Variants in SH3PXD2B observed in about 807,000 individuals in gnomAD.
The protein encoded by SH3PXD2B is SH3 and PX domains 2B.
SH3PXD2B carries 37 observed loss-of-function variants against 73.1 expected under a neutral mutation model. The observed-to-expected ratio is 0.51, with a 90% CI of 0.39 to 0.67. SH3PXD2B has a LOEUF of 0.67. Among genes scored for constraint, SH3PXD2B ranks in the 30% least tolerant of loss-of-function variants. SH3PXD2B has a pLI of 0.00. For synonymous variants in SH3PXD2B, 457 were observed against 480.5 expected (o/e 0.95, Z 0.64); for missense variants, 1,053 against 1,197.8 (o/e 0.88, Z 1.78).
At chr5:172,391,079 GA>G (rs1443264645) in intron 4 of SH3PXD2B, among the ~76,000 whole-genome samples, 5 of 152,036 alleles carry the variant, frequency 3.3e-5, no homozygotes, top group African/African-American at 1.2e-4. Context: ...GACCTCAGGT[GA>G]TCCACCCGCC....
intron 6 of SH3PXD2B, among the ~76,000 whole-genome samples, chr5:172,372,864 C>A (rs11955428): frequency 0.41 from 62,382 of 151,922 alleles, 13,309 homozygotes; most frequent in East Asian, 0.71. Flanking sequence ...TCTGGAAGTT[C>A]CGAAGTCCAC....
Position 172,372,628 on chromosome 5 carries a change from C to T in SH3PXD2B, c.427+1162G>A, listed in dbSNP as rs558945618. Among the ~76,000 whole-genome samples, 6 of 152,288 alleles carry T rather than the reference C, an allele frequency of 3.9e-5. No individual in the cohort carries two copies. In the East Asian group the frequency reaches 9.6e-4, roughly 24 times the overall value. On this transcript the variant is annotated intron_variant, in intron 6 of 12. Coordinates refer to ENST00000311601, the MANE Select transcript of SH3PXD2B (RefSeq NM_001017995.3). ...TAAAAACGGCATCAAGCATACATTA[C>T]TGACAATGTGCCAGGCACTATTCTA...
At chr5:172,399,466 G>A (rs1758380635) in intron 3 of SH3PXD2B, among the ~76,000 whole-genome samples, 1 of 152,136 alleles carries the variant, frequency 6.6e-6, no homozygotes. Flanking sequence ...ATATGCTTGT[G>A]TTTCACCAGG....
chr5:172,374,194 G>A (rs1757772643), intron 5 of SH3PXD2B, among the ~76,000 whole-genome samples: 1 of 152,162 alleles, frequency 6.6e-6, no homozygotes, highest in Non-Finnish European at 1.5e-5. Context: ...GGTCCCCTAA[G>A]CCATAGACAT....
At position 172,437,636 on chromosome 5, in the gene SH3PXD2B, C is replaced by T. The variant is rs77937633; in HGVS notation, c.76-15140G>A. Among the ~76,000 whole-genome samples the T allele has an allele frequency of 1.6e-3, 239 of 152,370 alleles. 5 individuals are homozygous for T. In the East Asian group the frequency reaches 0.04, roughly 26 times the overall value. Reference sequence around the variant, plus strand: ...CAGGAATCACCAAGCTCAGGCTCTGCAGCAAGTGACACACTGGAGGTGGCA... The same window carrying T: ...CAGGAATCACCAAGCTCAGGCTCTGTAGCAAGTGACACACTGGAGGTGGCA... On this transcript the variant is annotated intron_variant, in intron 1 of 12. Transcript: ENST00000311601.
Position 172,406,308 on chromosome 5 carries a change from G to A in SH3PXD2B, c.201C>T (p.Asp67=), listed in dbSNP as rs1430164269. 2 of 1,614,056 alleles carry A rather than the reference G, an allele frequency of 1.2e-6. No individual in the cohort carries two copies. The highest frequency in any genetic ancestry group is 1.7e-5 in the Admixed American group (1 of 59,998). The change falls in exon 3 of 13, where the codon GAC becomes GAT. Residue 67 remains aspartate, a synonymous_variant. Transcript: ENST00000311601. The part of the protein sequence containing the change: ...DKFPMEGGQK[D]PKQRIIPFLP... ...GAAAGGGGATGATCCGCTGCTTGGG[G>A]TCCTTCTGTCCTCCTTCCATGGGAA...
downstream of SH3PXD2B, among the ~76,000 whole-genome samples, chr5:172,329,780 G>A (rs1040034194): frequency 6.6e-6 from 1 of 151,960 alleles, no homozygotes; most frequent in Admixed American, 6.6e-5. Flanking sequence ...CTCGTGATCC[G>A]CCCGCCTCGG....
intron 5 of SH3PXD2B, among the ~76,000 whole-genome samples, chr5:172,375,284 TG>T (rs1757797894): frequency 2.0e-5 from 3 of 152,082 alleles, no homozygotes; most frequent in Admixed American, 1.3e-4. Flanking sequence ...CGCTTGAACC[TG>T]GGAGGTGGAG....
intron 10 of SH3PXD2B, among the ~76,000 whole-genome samples, chr5:172,349,138 C>T (rs1757096475): frequency 6.6e-6 from 1 of 152,200 alleles, no homozygotes; most frequent in Non-Finnish European, 1.5e-5. Context: ...TCGGGGATGG[C>T]CAGAACCCCT....
At chr5:172,327,013 C>T (rs1756458602) in intron 12 of SH3PXD2B, among the ~76,000 whole-genome samples, 1 of 151,970 alleles carries the variant, frequency 6.6e-6, no homozygotes, top group South Asian at 2.1e-4. Context: ...TGCGCCACCA[C>T]CAAGCCTGGC....
intron 8 of SH3PXD2B, among the ~76,000 whole-genome samples, chr5:172,358,027 T>C (rs1381322306): frequency 6.6e-6 from 1 of 152,142 alleles, no homozygotes; most frequent in Non-Finnish European, 1.5e-5. Context: ...TTTTCAAAAG[T>C]CCTATGATAT....
chr5:172,401,655 C>A (rs1270507589), intron 3 of SH3PXD2B, among the ~76,000 whole-genome samples: 1 of 152,174 alleles, frequency 6.6e-6, no homozygotes, highest in Non-Finnish European at 1.5e-5. Context: ...GAAGCCGTGG[C>A]AGAAGAACAT....
chr5:172,419,758 A>G (rs17051996), intron 2 of SH3PXD2B, among the ~76,000 whole-genome samples: 8,858 of 152,010 alleles, frequency 0.058, 866 homozygotes, highest in African/African-American at 0.2. Flanking sequence ...TGCTCGGTGG[A>G]TGTAAATAAT....
chr5:172,328,347 G>A (rs920069286), intron 12 of SH3PXD2B, among the ~76,000 whole-genome samples: 10 of 151,760 alleles, frequency 6.6e-5, no homozygotes, highest in African/African-American at 1.2e-4. Flanking sequence ...CTCATGATCC[G>A]TCTGCCTCGG....
At chr5:172,379,760 T>G (rs1024515116) in intron 5 of SH3PXD2B, among the ~76,000 whole-genome samples, 2 of 152,140 alleles carry the variant, frequency 1.3e-5, no homozygotes, top group African/African-American at 2.4e-5. Flanking sequence ...CTACTCCCAT[T>G]TCACAATAGA....
chr5:172,342,652 G>A (rs1275811734), intron 12 of SH3PXD2B, among the ~76,000 whole-genome samples: 2 of 152,086 alleles, frequency 1.3e-5, no homozygotes, highest in Non-Finnish European at 2.9e-5. Context: ...TCCCAGCTAC[G>A]CGGGAGGCTG....
intron 2 of SH3PXD2B, among the ~76,000 whole-genome samples, chr5:172,419,203 C>T (rs1758895901): frequency 1.3e-5 from 2 of 152,196 alleles, no homozygotes; most frequent in African/African-American, 4.8e-5. Context: ...GGTCTTAAGC[C>T]TTAGGCTGCG....
At chr5:172,344,727 T>C (rs1756950603) in intron 12 of SH3PXD2B, among the ~76,000 whole-genome samples, 1 of 151,930 alleles carries the variant, frequency 6.6e-6, no homozygotes. Flanking sequence ...CTTTAGCCCT[T>C]CACTCAGATA....
At chr5:172,343,523 G>GGGT (rs1040961529) in intron 12 of SH3PXD2B, among the ~76,000 whole-genome samples, 1 of 152,152 alleles carries the variant, frequency 6.6e-6, no homozygotes, top group African/African-American at 2.4e-5. Context: ...ATCAGAAGCC[G>GGGT]GGTGCGGTGG....
Sources: allele counts gnomAD v4.1 joint callset (sites outside exome capture counted in the v4.1 genomes callset), GRCh38; gene constraint gnomAD v4.1.1; transcripts MANE v1.5; gene names NCBI Gene and HGNC (gene_info 2026-07-23, HGNC 2026-07-21).